PCLO: variants seen among roughly 807,000 people sequenced by gnomAD.
PCLO encodes piccolo presynaptic cytomatrix protein, also known as protein piccolo.
A neutral mutation model predicts 427.5 loss-of-function variants in PCLO; 82 were observed. That is an observed-to-expected ratio of 0.19 (90% CI 0.16 to 0.23). The LOEUF (loss-of-function observed/expected upper bound fraction) is 0.23, where lower values mean the gene tolerates loss of function less well. Among genes scored for constraint, PCLO ranks in the 10% least tolerant of loss-of-function variants. The pLI is 1.00. For missense variants in PCLO, 6,239 were observed against 6,115.9 expected (o/e 1.02, Z -0.67); for synonymous variants, 2,357 against 2,155.4 (o/e 1.09, Z -2.59).
chr7:83,010,869 G>A (rs1259136302), intron 3 of PCLO, among the ~76,000 whole-genome samples: 2 of 151,766 alleles, frequency 1.3e-5, no homozygotes, highest in African/African-American at 4.8e-5. Context: ...CTTGACATCT[G>A]GTCTAGTCTC....
intron 6 of PCLO, among the ~76,000 whole-genome samples, chr7:82,948,122 A>G (rs1383858446): frequency 6.6e-6 from 1 of 152,098 alleles, no homozygotes; most frequent in African/African-American, 2.4e-5. Flanking sequence ...ACTAACTTAA[A>G]AATCACTTTT....
Position 82,847,267 on chromosome 7 carries a change from T to C in PCLO, c.13655-20A>G, listed in dbSNP as rs531450405. 28 of 1,387,358 alleles carry C rather than the reference T, an allele frequency of 2.0e-5. No individual in the cohort carries two copies. The South Asian group carries it at 2.8e-4, about 14-fold the overall frequency. The allele number at this position is 1,387,358 out of a possible 1,614,324, so 85.9% of individuals were successfully genotyped here. ...GCATCCCTAGAAAGACAAATTTGAA[T>C]ATAAAATCAAACGTGTGCTATCTCT... On this transcript the variant is annotated intron_variant, in intron 10 of 24. Coordinates refer to ENST00000333891, the MANE Select transcript of PCLO (RefSeq NM_033026.6).
chr7:83,149,147 T>C (rs1792067818), intron 2 of PCLO, among the ~76,000 whole-genome samples: 1 of 152,158 alleles, frequency 6.6e-6, no homozygotes, highest in South Asian at 2.1e-4. Context: ...CTGAAGGGGT[T>C]CCTCCTGTAC....
In PCLO at chr7:82,950,371, T is replaced by G. The variant is rs894395526; in HGVS notation, c.10217A>C (p.Glu3406Ala). Residue 3406 changes from glutamate (E) to alanine (A), a missense_variant, in exon 6 of 25, where the codon GAG (glutamate) becomes GCG (alanine). Glu to Ala is a moderately radical substitution (Grantham distance 107). Transcript: ENST00000333891. ...ACTTCTCTTTTTGGGTTGTTTTTCC[T>G]CTTTCACAACAACATCTGTTAGAGG... ...EIPLTDVVVK[E>A]EKQPKKRSSG... 3.1e-6 allele frequency: 5 copies of G among 1,613,678 alleles called. No individual in the cohort carries two copies. The African/African-American group carries it at 6.7e-5, about 22-fold the overall frequency.
intron 3 of PCLO, among the ~76,000 whole-genome samples, chr7:83,020,569 G>A (rs897746554): frequency 8.5e-5 from 13 of 152,210 alleles, no homozygotes; most frequent in East Asian, 3.9e-4. Context: ...GCTCTGCCAC[G>A]TAAGAACATA....
chr7:82,788,476 C>T (rs532485258), intron 22 of PCLO, among the ~76,000 whole-genome samples: 32 of 151,940 alleles, frequency 2.1e-4, no homozygotes, highest in Non-Finnish European at 2.5e-4. Flanking sequence ...TTGTGAAATG[C>T]ATATAGCAAC....
In PCLO at chr7:82,794,478, T is replaced by C. The variant is rs929279910; in HGVS notation, c.15007+7040A>G. On this transcript the variant is annotated intron_variant, in intron 22 of 24. Coordinates refer to ENST00000333891, the MANE Select transcript of PCLO (RefSeq NM_033026.6). The stretch of plus-strand genomic sequence containing the variant: ...TTTTTTCTTTTTTTTTTTTTTTTTT[T>C]TTTTTTTTTTTGAGACACAGTCTTG... Among the ~76,000 whole-genome samples the C allele has an allele frequency of 3.6e-5, 4 of 111,932 alleles. 1 individual carries two copies. Among genetic ancestry groups the C allele is most frequent in the South Asian group, 3.6e-4 (1 of 2,798 alleles). The allele number at this position is 111,932 out of a possible 152,430, so 73.4% of individuals were successfully genotyped here.
chr7:82,811,092 C>T (rs557223374), intron 20 of PCLO, among the ~76,000 whole-genome samples: 2 of 151,652 alleles, frequency 1.3e-5, no homozygotes, highest in Admixed American at 6.6e-5. Context: ...ATGTAGGTAG[C>T]TTGTACTTTC....
intron 3 of PCLO, among the ~76,000 whole-genome samples, chr7:83,095,587 AT>A (rs1183000964): frequency 6.6e-6 from 1 of 151,804 alleles, no homozygotes; most frequent in East Asian, 1.9e-4. Context: ...TCCTCTCAGC[AT>A]TGCTTTAGAT....
intron 17 of PCLO, 139 bp from the exon 18 acceptor site, chr7:82,826,799 T>G (rs1791957180): frequency 2.3e-6 from 1 of 439,280 alleles, no homozygotes; most frequent in Admixed American, 4.2e-5. Flanking sequence ...TACCGAAAAC[T>G]ATGTAGTTTA....
intron 10 of PCLO, among the ~76,000 whole-genome samples, chr7:82,871,434 C>T (rs144976816): frequency 3.6e-4 from 55 of 151,790 alleles, no homozygotes; most frequent in Non-Finnish European, 5.8e-4. Flanking sequence ...ATAAAATAGC[C>T]GTTACCTCAT....
At chr7:82,920,034 G>A (rs1794560707) in intron 6 of PCLO, among the ~76,000 whole-genome samples, 1 of 151,458 alleles carries the variant, frequency 6.6e-6, no homozygotes, top group Non-Finnish European at 1.5e-5. Context: ...ATACAATAAA[G>A]AATTTGAAGT....
intron 3 of PCLO, among the ~76,000 whole-genome samples, chr7:82,968,338 T>A (rs543977230): frequency 5.9e-5 from 9 of 152,256 alleles, no homozygotes; most frequent in Admixed American, 4.6e-4. Context: ...ATAAAAGTCA[T>A]TGGAAAGAAG....
At chr7:82,821,944 G>A in intron 20 of PCLO, 1 of 985,438 alleles carries the variant, frequency 1.0e-6, no homozygotes, top group Non-Finnish European at 1.2e-6. Flanking sequence ...AGCAAAATTT[G>A]TTAGTGTTTT....
intron 3 of PCLO, among the ~76,000 whole-genome samples, chr7:82,969,358 A>C (rs566186273): frequency 6.6e-6 from 1 of 152,154 alleles, no homozygotes. Flanking sequence ...ACAGAAGGCA[A>C]TAGTGTAAAT....
intron 3 of PCLO, among the ~76,000 whole-genome samples, chr7:83,041,132 T>C (rs1438382601): frequency 6.6e-6 from 1 of 152,170 alleles, no homozygotes; most frequent in Non-Finnish European, 1.5e-5. Flanking sequence ...ATAATGCTGA[T>C]GATATTCAAT....
At chr7:83,128,606 CA>C (rs372648301) in intron 3 of PCLO, among the ~76,000 whole-genome samples, 13 of 151,438 alleles carry the variant, frequency 8.6e-5, no homozygotes, top group Middle Eastern at 3.4e-3. Flanking sequence ...GGGAATGTAA[CA>C]AAAAAAAGAC....
At chr7:83,105,216 T>C (rs1790824544) in intron 3 of PCLO, among the ~76,000 whole-genome samples, 1 of 152,166 alleles carries the variant, frequency 6.6e-6, no homozygotes, top group South Asian at 2.1e-4. Flanking sequence ...TAACAAAAAT[T>C]TTATTGTTTC....
chr7:82,823,622 A>G (rs1331039837), intron 19 of PCLO, among the ~76,000 whole-genome samples: 2 of 152,138 alleles, frequency 1.3e-5, no homozygotes, highest in Admixed American at 1.3e-4. Flanking sequence ...ATATTTGCAT[A>G]TTGCCAAACC....
Sources: gnomAD v4.1 joint callset for allele counts (sites outside exome capture counted in the v4.1 genomes callset) on GRCh38, gnomAD v4.1.1 for gene constraint, MANE v1.5 for transcripts, NCBI Gene and HGNC (gene_info 2026-07-23, HGNC 2026-07-21) for gene names.